The following C3orf49 variants were observed in gnomAD, a reference collection of about 807,000 sequenced individuals.
C3orf49 encodes chromosome 3 open reading frame 49.
A neutral mutation model predicts 13.3 loss-of-function variants in C3orf49; 27 were observed. The observed-to-expected ratio is 2.02, with a 90% CI of 1.49 to 2.79. The LOEUF is 2.79. Among genes scored for constraint, C3orf49 ranks in the 30% most tolerant of loss-of-function variants. The probability of loss-of-function intolerance (pLI) is 0.00; values close to 1 mark genes in which losing one functional copy is unlikely to be tolerated. For missense variants in C3orf49, 242 were observed against 134.2 expected, an observed-to-expected ratio of 1.80 and a Z score of -3.97; for synonymous variants, 87 against 47.6, an observed-to-expected ratio of 1.83 and a Z score of -3.40.
At chr3:63,830,016 A>ATT (rs1216084918) in intron 3 of C3orf49, among the ~76,000 whole-genome samples, 2 of 152,204 alleles carry the variant, frequency 1.3e-5, no homozygotes, top group Non-Finnish European at 2.9e-5. Flanking sequence ...AAATTAGGAT[A>ATT]TTTCTAATAC....
chr3:63,822,268 C>A (rs1701407476), intron 1 of C3orf49, among the ~76,000 whole-genome samples: 1 of 152,180 alleles, frequency 6.6e-6, no homozygotes. Context: ...AGCCACCGCG[C>A]CTGGCCCCCT....
chr3:63,798,262 C>T, the C3orf49 span, among the ~76,000 whole-genome samples: 1 of 152,054 alleles, frequency 6.6e-6, no homozygotes, highest in East Asian at 1.9e-4. Context: ...ATCTGGTAAA[C>T]TGTGTGTTTT....
chr3:63,822,277 CT>C (rs1180525122), intron 1 of C3orf49, among the ~76,000 whole-genome samples: 3 of 152,164 alleles, frequency 2.0e-5, no homozygotes, highest in African/African-American at 7.2e-5. Context: ...GCCTGGCCCC[CT>C]CCCTGTATTT....
chr3:63,824,438 A>C (rs1365999657), intron 2 of C3orf49, among the ~76,000 whole-genome samples: 1 of 152,192 alleles, frequency 6.6e-6, no homozygotes, highest in South Asian at 2.1e-4. Context: ...TGAACTGTTA[A>C]CTTTAAGTCG....
chr3:63,789,553 G>C, the C3orf49 span, among the ~76,000 whole-genome samples: 1 of 152,092 alleles, frequency 6.6e-6, no homozygotes, highest in African/African-American at 2.4e-5. Flanking sequence ...GCTCACGCCT[G>C]TAATCCCAGC....
chr3:63,816,453 G>A (rs566990169), upstream of C3orf49, among the ~76,000 whole-genome samples: 11 of 152,076 alleles, frequency 7.2e-5, no homozygotes, highest in African/African-American at 1.9e-4. Flanking sequence ...TTAGCTGGGC[G>A]TGGTGGCACG....
the C3orf49 span, among the ~76,000 whole-genome samples, chr3:63,794,042 C>CTACTTAG: frequency 6.6e-6 from 1 of 152,022 alleles, no homozygotes; most frequent in African/African-American, 2.4e-5. Context: ...GTAGTCCCTG[C>CTACTTAG]TACTTAGGAA....
chr3:63,789,112 G>A, the C3orf49 span, among the ~76,000 whole-genome samples: 1 of 152,160 alleles, frequency 6.6e-6, no homozygotes, highest in Non-Finnish European at 1.5e-5. Flanking sequence ...GGGCGAGCGG[G>A]CATTACCACC....
the C3orf49 span, among the ~76,000 whole-genome samples, chr3:63,788,862 T>C: frequency 5.9e-5 from 9 of 152,200 alleles, no homozygotes; most frequent in Admixed American, 2.0e-4. Flanking sequence ...TCTGCTGATA[T>C]ACTATGTCTA....
the C3orf49 span, among the ~76,000 whole-genome samples, chr3:63,780,679 T>C: frequency 6.6e-6 from 1 of 152,226 alleles, no homozygotes; most frequent in Non-Finnish European, 1.5e-5. Flanking sequence ...ATGATTGCCA[T>C]TCTAACTGGT....
Position 63,838,412 on chromosome 3 carries a change from G to C in C3orf49, c.849+6568G>C, listed in dbSNP as rs753381899. 3.2e-6 allele frequency: 5 copies of C among 1,581,394 alleles called. No individual in the cohort carries two copies. The East Asian group carries it at 9.0e-5, about 29-fold the overall frequency. ...TTTTTTCATAATTTTCCATTTCTCT[G>C]AGATTCATATCATATACTAGTAAAG... On this transcript the variant is annotated intron_variant, in intron 5 of 6. Coordinates refer to ENST00000295896, the MANE Select transcript of C3orf49 (RefSeq NM_001355236.2).
At chr3:63,819,894 C>T (rs896485728) in intron 1 of C3orf49, among the ~76,000 whole-genome samples, 1 of 152,192 alleles carries the variant, frequency 6.6e-6, no homozygotes, top group African/African-American at 2.4e-5. Flanking sequence ...TTTTGGACAT[C>T]TCACATCCCG....
At chr3:63,846,990 A>G (rs1701911600) in intron 6 of C3orf49, among the ~76,000 whole-genome samples, 1 of 152,112 alleles carries the variant, frequency 6.6e-6, no homozygotes. Flanking sequence ...TTCCCCAAAT[A>G]AGCAATCCCT....
chr3:63,782,860 T>C, the C3orf49 span: 8 of 152,340 alleles, frequency 5.3e-5, no homozygotes, highest in African/African-American at 1.9e-4. Flanking sequence ...CAAACACTGA[T>C]GTTTCAATTT....
At chr3:63,837,800 AAC>A (rs1189781900) in intron 5 of C3orf49, among the ~76,000 whole-genome samples, 1 of 152,084 alleles carries the variant, frequency 6.6e-6, no homozygotes, top group Admixed American at 6.6e-5. Flanking sequence ...CATTCTTCTC[AAC>A]ACAGACTTCC....
At chr3:63,814,722 G>A (rs1436867302), upstream of C3orf49, among the ~76,000 whole-genome samples, 1 of 152,032 alleles carries the variant, frequency 6.6e-6, no homozygotes, top group African/African-American at 2.4e-5. Context: ...CTGAATGGGT[G>A]CCCTTCTCCT....
At chr3:63,835,269 G>C in intron 5 of C3orf49, 1 of 1,602,388 alleles carries the variant, frequency 6.2e-7, no homozygotes, top group Non-Finnish European at 8.5e-7. Flanking sequence ...TGTATATATA[G>C]ATATATAGAC....
the C3orf49 span, among the ~76,000 whole-genome samples, chr3:63,809,204 A>G: frequency 6.6e-6 from 1 of 152,158 alleles, no homozygotes; most frequent in African/African-American, 2.4e-5. Context: ...GATATTTTTT[A>G]TTTTTGCTCA....
At chr3:63,825,698 G>A (rs533320350) in intron 2 of C3orf49, among the ~76,000 whole-genome samples, 1 of 152,264 alleles carries the variant, frequency 6.6e-6, no homozygotes, top group East Asian at 1.9e-4. Context: ...TTCAAAACAT[G>A]TTTTTATCTA....
Sources: allele counts gnomAD v4.1 joint callset (sites outside exome capture counted in the v4.1 genomes callset), GRCh38; gene constraint gnomAD v4.1.1; transcripts MANE v1.5; gene names NCBI Gene and HGNC (gene_info 2026-07-23, HGNC 2026-07-21).